The following HSD17B4 variants were observed in gnomAD, a reference collection of about 807,000 sequenced individuals.
HSD17B4 encodes the protein hydroxysteroid 17-beta dehydrogenase 4.
HSD17B4 carries 70 observed loss-of-function variants against 101.0 expected under a neutral mutation model. The ratio of observed to expected loss-of-function variants is 0.69; its 90% CI spans 0.57 to 0.85. The LOEUF (loss-of-function observed/expected upper bound fraction) is 0.85. Among genes scored for constraint, HSD17B4 ranks in the 40% least tolerant of loss-of-function variants. The probability of loss-of-function intolerance (pLI) is 0.00; values close to 1 mark genes in which losing one functional copy is unlikely to be tolerated. For missense variants in HSD17B4, 984 were observed against 892.4 expected (o/e 1.10, Z -1.31); for synonymous variants, 347 against 297.1 (o/e 1.17, Z -1.73).
At chr5:119,529,740 C>T (rs955028624) in intron 20 of HSD17B4, among the ~76,000 whole-genome samples, 154 bp from the exon 21 acceptor site, 2 of 152,274 alleles carry the variant, frequency 1.3e-5, no homozygotes, top group Admixed American at 6.5e-5. Flanking sequence ...TTCATCTTGA[C>T]ATTTACTTTA....
intron 8 of HSD17B4, among the ~76,000 whole-genome samples, chr5:119,486,447 A>T (rs767027814): frequency 6.6e-6 from 1 of 152,072 alleles, no homozygotes; most frequent in Non-Finnish European, 1.5e-5. Flanking sequence ...GTAATCACTT[A>T]AAGAGAATAT....
intron 2 of HSD17B4, among the ~76,000 whole-genome samples, chr5:119,463,938 G>A (rs142664585): frequency 1.4e-4 from 22 of 151,942 alleles, no homozygotes; most frequent in East Asian, 3.9e-4. Context: ...CCCAAAGTGC[G>A]GGGATTACAG....
At chr5:119,471,532 GA>G (rs1280928374) in intron 2 of HSD17B4, 21 of 445,036 alleles carry the variant, frequency 4.7e-5, no homozygotes, top group African/African-American at 8.2e-5. Flanking sequence ...TTTTTCAGAA[GA>G]AAAAAAAATC....
At chr5:119,461,743 C>T (rs972623762) in intron 2 of HSD17B4, among the ~76,000 whole-genome samples, 1 of 146,264 alleles carries the variant, frequency 6.8e-6, no homozygotes, top group East Asian at 2.0e-4. Flanking sequence ...AAAAAAGCCA[C>T]GTGTGGTGGT....
At chr5:119,476,436 T>G (rs1036235673) in intron 6 of HSD17B4, 5 of 350,632 alleles carry the variant, frequency 1.4e-5, no homozygotes, top group Non-Finnish European at 2.0e-5. Flanking sequence ...GTGCTTACTT[T>G]CATTGGCCAT....
chr5:119,473,273 C>CT (rs11408993), intron 2 of HSD17B4, among the ~76,000 whole-genome samples: 17,885 of 36,958 alleles, frequency 0.48, 4,386 homozygotes, highest in Non-Finnish European at 0.53. Flanking sequence ...GTGGATGAAT[C>CT]TTTTTTTTTT....
chr5:119,457,490 TG>T (rs1328701343), intron 2 of HSD17B4, among the ~76,000 whole-genome samples: 1 of 152,214 alleles, frequency 6.6e-6, no homozygotes, highest in Non-Finnish European at 1.5e-5. Context: ...GGATGTTCCT[TG>T]TTTAAGATCA....
intron 17 of HSD17B4, among the ~76,000 whole-genome samples, chr5:119,524,128 G>C (rs1015214097): frequency 7.2e-5 from 11 of 151,938 alleles, no homozygotes; most frequent in African/African-American, 2.4e-4. Context: ...TTCAATAATT[G>C]TTTATTTGAT....
intron 2 of HSD17B4, among the ~76,000 whole-genome samples, chr5:119,459,080 C>T (rs1649798966): frequency 6.6e-6 from 1 of 152,202 alleles, no homozygotes. Context: ...TTCCGTGCTA[C>T]AGTTACATAA....
intron 8 of HSD17B4, among the ~76,000 whole-genome samples, chr5:119,486,205 A>G (rs1749597488): frequency 6.6e-6 from 1 of 152,144 alleles, no homozygotes; most frequent in South Asian, 2.1e-4. Context: ...TGTCTTTTAT[A>G]ACTTACTTCA....
chr5:119,491,704 C>T (rs1476916331), intron 9 of HSD17B4, among the ~76,000 whole-genome samples: 2 of 152,080 alleles, frequency 1.3e-5, no homozygotes, highest in Non-Finnish European at 1.5e-5. Context: ...TCATGATATG[C>T]TAGGCAGTGT....
rs1173019382 is a variant in HSD17B4, at chr5:119,463,521, TA to T, written c.112+7154del. ...TCTTCACATTTTTGTCATCCTTTGTTATTTTTTTTTTTTTTGCCTTTTTGAT... is the reference window on the plus strand; with the variant it reads ...TCTTCACATTTTTGTCATCCTTTGTTTTTTTTTTTTTTTTGCCTTTTTGAT... On this transcript the variant is annotated intron_variant, in intron 2 of 23. Coordinates refer to ENST00000510025, the MANE Select transcript of HSD17B4 (RefSeq NM_000414.4). Among the ~76,000 whole-genome samples the T allele has an allele frequency of 4.8e-5, 7 of 146,408 alleles. No homozygotes were observed. The South Asian group carries it at 8.8e-4, about 18-fold the overall frequency.
At chr5:119,528,810 C>T (rs1449784570) in intron 20 of HSD17B4, among the ~76,000 whole-genome samples, 1 of 151,996 alleles carries the variant, frequency 6.6e-6, no homozygotes, top group Non-Finnish European at 1.5e-5. Flanking sequence ...GCTGTCTTAT[C>T]TTTTCAGCAT....
intron 20 of HSD17B4, among the ~76,000 whole-genome samples, chr5:119,527,755 T>C (rs76367414): frequency 0.012 from 1,776 of 152,232 alleles, 38 homozygotes; most frequent in African/African-American, 0.041. Flanking sequence ...TAATATCCTA[T>C]AGAACAATAA....
At chr5:119,532,849 G>C (rs1284630358) in intron 22 of HSD17B4, among the ~76,000 whole-genome samples, 1 of 151,970 alleles carries the variant, frequency 6.6e-6, no homozygotes, top group Non-Finnish European at 1.5e-5. Context: ...AAACCAAAAA[G>C]CTCTAAAAAT....
intron 23 of HSD17B4, 70 bp downstream of exon 23, chr5:119,536,620 C>A (rs1240842763): frequency 1.4e-6 from 2 of 1,427,636 alleles, no homozygotes; most frequent in African/African-American, 2.8e-5. Context: ...AGTTTTTAAG[C>A]TGATGCCCAA....
intron 8 of HSD17B4, among the ~76,000 whole-genome samples, chr5:119,481,449 T>C (rs1475814735): frequency 6.6e-6 from 1 of 152,182 alleles, no homozygotes; most frequent in Non-Finnish European, 1.5e-5. Flanking sequence ...CTTTCAACAC[T>C]TTAAATACAG....
Position 119,499,393 on chromosome 5 carries a change from G to A in HSD17B4, c.1049G>A (p.Gly350Glu). The change falls in exon 13 of 24, where the codon GGA becomes GAA. Residue 350 changes from glycine to glutamate, a missense_variant. Coordinates refer to ENST00000510025, the MANE Select transcript of HSD17B4 (RefSeq NM_000414.4). ...CTGGAAGCTATTATGTATGCCCTTG[G>A]AGTGGGAGCGTCAATCAAGGATCCA... ...TELEAIMYAL[G>E]VGASIKDPKD... 1.9e-6 allele frequency: 3 copies of A among 1,613,804 alleles called. No homozygotes were observed. Among genetic ancestry groups the A allele is most frequent in the Non-Finnish European group, 1.7e-6 (2 of 1,179,802 alleles).
intron 20 of HSD17B4, among the ~76,000 whole-genome samples, chr5:119,527,590 T>A (rs1370560867): frequency 6.6e-6 from 1 of 152,010 alleles, no homozygotes; most frequent in Admixed American, 6.6e-5. Context: ...CAGACAGATA[T>A]ACAGTGAAAA....
Sources: allele counts gnomAD v4.1 joint callset (sites outside exome capture counted in the v4.1 genomes callset), GRCh38; gene constraint gnomAD v4.1.1; transcripts MANE v1.5; gene names NCBI Gene and HGNC (gene_info 2026-07-23, HGNC 2026-07-21).